Variants in MYO16 observed in about 807,000 individuals in gnomAD.
The protein encoded by MYO16 is myosin XVI, also known as unconventional myosin-XVI.
Under a neutral mutation model 205.3 loss-of-function variants are expected in MYO16, and 94 were observed. That is an observed-to-expected ratio of 0.46 (90% CI 0.39 to 0.54). The LOEUF is 0.54. Among genes scored for constraint, MYO16 ranks in the 20% least tolerant of loss-of-function variants. The pLI, the probability that MYO16 is intolerant of heterozygous loss-of-function variation, is 0.00. For synonymous variants in MYO16, 988 were observed against 954.0 expected (o/e 1.04, Z -0.66); for missense variants, 2,315 against 2,387.5 (o/e 0.97, Z 0.63).
chr13:108,904,963 A>C (rs1404333772), intron 15 of MYO16, among the ~76,000 whole-genome samples: 2 of 152,234 alleles, frequency 1.3e-5, no homozygotes, highest in Non-Finnish European at 2.9e-5. Flanking sequence ...CAGATAAAGT[A>C]AAATAATATA....
the MYO16 span, among the ~76,000 whole-genome samples, chr13:108,565,744 C>A: frequency 6.6e-6 from 1 of 152,106 alleles, no homozygotes; most frequent in African/African-American, 2.4e-5. Flanking sequence ...CAGTTGGCAT[C>A]CTGTTATATT....
At chr13:108,522,844 C>T in the MYO16 span, among the ~76,000 whole-genome samples, 1 of 152,032 alleles carries the variant, frequency 6.6e-6, no homozygotes, top group Non-Finnish European at 1.5e-5. Flanking sequence ...CAAAAGCCTA[C>T]TCTCATAACC....
intron 2 of MYO16, among the ~76,000 whole-genome samples, chr13:108,701,512 C>G (rs992980245): frequency 1.3e-5 from 2 of 152,122 alleles, no homozygotes; most frequent in South Asian, 4.1e-4. Flanking sequence ...TCACAATATG[C>G]TGGCCCCTTG....
chr13:109,090,843 C>T (rs1888597524), intron 27 of MYO16, among the ~76,000 whole-genome samples: 1 of 152,018 alleles, frequency 6.6e-6, no homozygotes, highest in Non-Finnish European at 1.5e-5. Context: ...TTCTGCAATC[C>T]CCGCCCCTCC....
intron 2 of MYO16, among the ~76,000 whole-genome samples, chr13:108,708,365 T>C (rs959493394): frequency 2.0e-5 from 3 of 152,232 alleles, no homozygotes; most frequent in Non-Finnish European, 4.4e-5. Flanking sequence ...TTAGAAGTCT[T>C]CACATTGATG....
chr13:108,774,381 T>C (rs1886062307), intron 4 of MYO16, among the ~76,000 whole-genome samples: 1 of 152,180 alleles, frequency 6.6e-6, no homozygotes, highest in Non-Finnish European at 1.5e-5. Context: ...TTAGGACAAA[T>C]TGGAAGTTAA....
intron 16 of MYO16, among the ~76,000 whole-genome samples, chr13:108,923,982 A>G (rs942776176): frequency 6.6e-6 from 1 of 152,148 alleles, no homozygotes; most frequent in Non-Finnish European, 1.5e-5. Context: ...TGACATTGGT[A>G]TCTTTTTACT....
At chr13:109,111,394 G>A (rs1165205297) in intron 28 of MYO16, among the ~76,000 whole-genome samples, 1 of 152,112 alleles carries the variant, frequency 6.6e-6, no homozygotes, top group Non-Finnish European at 1.5e-5. Context: ...TAACAAACTG[G>A]GAACAGATTT....
chr13:108,510,474 T>TTTG, the MYO16 span, among the ~76,000 whole-genome samples: 158 of 131,426 alleles, frequency 1.2e-3, 15 homozygotes, highest in East Asian at 0.027. Flanking sequence ...TTTTTTTTTT[T>TTTG]TTTTTTTTTT....
At position 109,038,400 on chromosome 13, in the gene MYO16, T is replaced by C. The variant is rs1238974003; in HGVS notation, c.2797-8516T>C. Among the ~76,000 whole-genome samples the C allele has an allele frequency of 3.3e-5, 5 of 152,274 alleles. No individual in the cohort carries two copies. In the East Asian group the frequency reaches 7.8e-4, roughly 24 times the overall value. Reference sequence around the variant, plus strand: ...AAAGAGAGGAAGGTTGAAATCTCTCTGCTTGACTGCTTGAGCTACAATATC... The same window carrying C: ...AAAGAGAGGAAGGTTGAAATCTCTCCGCTTGACTGCTTGAGCTACAATATC... On this transcript the variant is annotated intron_variant, in intron 23 of 34. Transcript: ENST00000457511.
At chr13:109,108,445 T>C (rs1243969299) in intron 28 of MYO16, among the ~76,000 whole-genome samples, 1 of 152,244 alleles carries the variant, frequency 6.6e-6, no homozygotes, top group Admixed American at 6.5e-5. Context: ...TGGCACCTAC[T>C]AATTGCTGAT....
the MYO16 span, among the ~76,000 whole-genome samples, chr13:108,516,079 T>C: frequency 9.0e-4 from 133 of 147,952 alleles, no homozygotes; most frequent in East Asian, 4.8e-3. Flanking sequence ...CCCAGCCTCG[T>C]TGCCGCCTTG....
intron 2 of MYO16, among the ~76,000 whole-genome samples, chr13:108,679,719 A>C (rs1882378889): frequency 6.7e-6 from 1 of 148,440 alleles, no homozygotes; most frequent in South Asian, 2.1e-4. Context: ...TGCAAAAAAA[A>C]AAATAATAAT....
chr13:108,752,946 T>C (rs534027770), intron 4 of MYO16, among the ~76,000 whole-genome samples: 1 of 151,386 alleles, frequency 6.6e-6, no homozygotes, highest in Non-Finnish European at 1.5e-5. Flanking sequence ...AAAATGATTA[T>C]GTAAAACACT....
intron 20 of MYO16, among the ~76,000 whole-genome samples, chr13:108,980,414 G>C (rs143624825): frequency 1.2e-4 from 18 of 152,298 alleles, no homozygotes; most frequent in Non-Finnish European, 2.2e-4. Flanking sequence ...GCTCAATAGA[G>C]TTAGCCGAAT....
chr13:109,103,339 C>G lies in MYO16; in HGVS notation c.3438+2452C>G, dbSNP rs573089001. 3.3e-5 allele frequency among the ~76,000 whole-genome samples: 5 copies of G among 152,170 alleles called. No individual in the cohort carries two copies. The South Asian group carries it at 1.0e-3, about 32-fold the overall frequency. ...GGCTGCAGGGACAACAAGGTTGTAT[C>G]GGATGGTTATTCTATCTGTAGCATT... is the stretch of plus-strand genomic sequence containing the variant. On this transcript the variant is annotated intron_variant, in intron 28 of 34. Transcript: ENST00000457511.
rs568226538 is a variant in MYO16 at position 109,127,753 on chromosome 13, C to T, written c.4051+203C>T. ...AAGCCTCTTAGGGAAAAGCTACTTACATGGCATTTCCTTAACTCCCATCCC... is the reference window on the plus strand; with the variant it reads ...AAGCCTCTTAGGGAAAAGCTACTTATATGGCATTTCCTTAACTCCCATCCC... On this transcript the variant is annotated intron_variant, in intron 31 of 34. Coordinates refer to ENST00000457511, the MANE Select transcript of MYO16 (RefSeq NM_001198950.3). The surrounding 1 kb of genome is among the most constrained non-coding windows in gnomAD (Gnocchi z 4.2). The T allele has an allele frequency of 6.2e-5, 34 of 551,966 alleles. No homozygotes were observed. Among genetic ancestry groups the T allele is most frequent in the Admixed American group, 9.8e-5 (3 of 30,766 alleles). The allele number at this position is 551,966 out of a possible 1,614,324, so 34.2% of individuals were successfully genotyped here.
chr13:108,898,811 A>G (rs1348618341), intron 15 of MYO16, among the ~76,000 whole-genome samples: 1 of 152,174 alleles, frequency 6.6e-6, no homozygotes, highest in Non-Finnish European at 1.5e-5. Context: ...AGAATTTTAC[A>G]TCTTTCCAAT....
At chr13:108,826,348 CT>C (rs970836272) in intron 9 of MYO16, among the ~76,000 whole-genome samples, 2 of 152,062 alleles carry the variant, frequency 1.3e-5, no homozygotes, top group Non-Finnish European at 2.9e-5. Flanking sequence ...ATAAACAGTA[CT>C]GAGACAACTG....
Sources: gnomAD v4.1 joint callset for allele counts (sites outside exome capture counted in the v4.1 genomes callset) on GRCh38, gnomAD v4.1.1 for gene constraint, Gnocchi (gnomAD v3.1) non-coding constraint, MANE v1.5 for transcripts, NCBI Gene and HGNC (gene_info 2026-07-23, HGNC 2026-07-21) for gene names.